Variants in CAPN14 observed in about 807,000 individuals in gnomAD.
CAPN14 encodes calpain-14.
A neutral mutation model predicts 101.3 loss-of-function variants in CAPN14; 94 were observed. That is an observed-to-expected ratio of 0.93 (90% CI 0.79 to 1.10). The LOEUF is 1.10. Among genes scored for constraint, CAPN14 ranks in the 50% least tolerant of loss-of-function variants. The probability of loss-of-function intolerance (pLI) is 0.00; values close to 1 mark genes in which losing one functional copy is unlikely to be tolerated. For synonymous variants in CAPN14, 338 were observed against 317.9 expected, an observed-to-expected ratio of 1.06 and a Z score of -0.67; for missense variants, 837 against 828.4, an observed-to-expected ratio of 1.01 and a Z score of -0.13.
chr2:31,221,737 T>TG (rs1255067160), upstream of CAPN14, among the ~76,000 whole-genome samples: 1 of 152,184 alleles, frequency 6.6e-6, no homozygotes, highest in Non-Finnish European at 1.5e-5. Context: ...TTCATGTCAT[T>TG]GGGGTATAGT....
rs1324818049 is a variant in CAPN14 at position 31,176,554 on chromosome 2, T to C, written c.2028+33A>G. ...CCGCAAGGGCCACCTCTACGTAAGA[T>C]GACATGAGCCACCTCCTTGGGGCAA... On this transcript the variant is annotated intron_variant, in intron 21 of 21. Coordinates refer to ENST00000403897, the MANE Select transcript of CAPN14 (RefSeq NM_001145122.2). The C allele has an allele frequency of 3.3e-6, 5 of 1,537,350 alleles. No individual in the cohort carries two copies. In the African/African-American group the frequency reaches 6.9e-5, roughly 21 times the overall value.
intron 17 of CAPN14, among the ~76,000 whole-genome samples, chr2:31,179,063 TA>T (rs11336687): frequency 0.051 from 7,097 of 138,054 alleles, 374 homozygotes; most frequent in African/African-American, 0.13. Flanking sequence ...TTGAGTTCTA[TA>T]TATATATATA....
intron 15 of CAPN14, 23 bp downstream of exon 15, chr2:31,187,735 C>G: frequency 1.3e-6 from 2 of 1,547,280 alleles, no homozygotes; most frequent in Non-Finnish European, 1.7e-6. Context: ...TTCCTCACCC[C>G]CCACCACACC....
rs1010120479 is a variant in CAPN14 at position 31,200,617 on chromosome 2, C to T, written c.560G>A (p.Gly187Asp). ...LLEKAYAKLS[G>D]SYEDLQSGQV... ...TCCTGACTGCAAGTCTTCATAGGAA[C>T]CAGAGAGCCTGGCCAGGGAAGAAAT... The change falls in exon 6 of 22, where the codon GGT (glycine) becomes GAT (aspartate). Residue 187 changes from glycine to aspartate, a missense_variant. Physicochemically the swap from Gly to Asp is moderately conservative, Grantham distance 94. Transcript: ENST00000403897. 5.2e-6 allele frequency: 8 copies of T among 1,545,602 alleles called. No individual in the cohort carries two copies. The African/African-American group carries it at 8.2e-5, about 16-fold the overall frequency.
chr2:31,202,302 G>T, intron 3 of CAPN14, 50 bp from the exon 4 acceptor site: 4 of 1,442,010 alleles, frequency 2.8e-6, no homozygotes, highest in Non-Finnish European at 3.8e-6. Flanking sequence ...GGGACTTTAT[G>T]ACTGCAGAAA....
At chr2:31,184,676 T>C (rs1476755053) in intron 16 of CAPN14, among the ~76,000 whole-genome samples, 1 of 152,246 alleles carries the variant, frequency 6.6e-6, no homozygotes, top group Non-Finnish European at 1.5e-5. Flanking sequence ...TCATTTGCCA[T>C]GCACTTTACC....
chr2:31,200,138 G>A (rs1321448201), intron 6 of CAPN14, among the ~76,000 whole-genome samples: 2 of 152,066 alleles, frequency 1.3e-5, no homozygotes, highest in African/African-American at 4.8e-5. Context: ...CAAATAGCTG[G>A]GATTACAGGT....
At chr2:31,228,775 A>G (rs932849817) in intron 1 of CAPN14, among the ~76,000 whole-genome samples, 1 of 152,202 alleles carries the variant, frequency 6.6e-6, no homozygotes, top group Non-Finnish European at 1.5e-5. Flanking sequence ...AAAAAATGCT[A>G]TTGCCATCTT....
In CAPN14 at chr2:31,201,917, A is replaced by T. The variant is rs1681804506; in HGVS notation, c.496T>A (p.Ser166Thr). 1 of 1,551,716 alleles carries T rather than the reference A, an allele frequency of 6.4e-7. No homozygotes were observed. Among genetic ancestry groups the T allele is most frequent in the Non-Finnish European group, 8.7e-7 (1 of 1,147,002 alleles). ...VNEAGQLVFV[S>T]STYKNLFWGA... is the part of the protein sequence containing the mutation. ...CAGAACAAGTTCTTATAGGTGGAGG[A>T]GACAAAGACCAGCTGGCCAGCCTCA... The change falls in exon 5 of 22, where the codon TCC (serine) becomes ACC (threonine). Residue 166 changes from serine (S) to threonine (T), a missense_variant. By Grantham distance (58) the Ser-to-Thr change is moderately conservative. Coordinates refer to ENST00000403897, the MANE Select transcript of CAPN14 (RefSeq NM_001145122.2).
At chr2:31,219,539 C>A (rs1474067166), upstream of CAPN14, among the ~76,000 whole-genome samples, 1 of 152,162 alleles carries the variant, frequency 6.6e-6, no homozygotes, top group Non-Finnish European at 1.5e-5. Flanking sequence ...CCCGTGGAAA[C>A]AAGATTTTAG....
chr2:31,181,239 G>A (rs894885962), intron 16 of CAPN14, among the ~76,000 whole-genome samples: 2 of 152,066 alleles, frequency 1.3e-5, no homozygotes, highest in African/African-American at 4.8e-5. Context: ...TTACACAGAG[G>A]GCCAAATGAA....
At position 31,178,563 on chromosome 2, in the gene CAPN14, G is replaced by A; in HGVS notation, c.1727C>T (p.Thr576Ile). 3 of 1,545,844 alleles carry A rather than the reference G, an allele frequency of 1.9e-6. No homozygotes were observed. The highest frequency in any genetic ancestry group is 4.0e-5 in the Admixed American group (2 of 49,878). The change falls in exon 18 of 22, where the codon ACT (threonine) becomes ATT (isoleucine). Residue 576 changes from threonine to isoleucine, a missense_variant. Transcript: ENST00000403897. Reference sequence around the variant, plus strand: ...GTCCCTGAATTCCTGGATGCTCATAGTACCTGATGCATTAAGCTGATTAAT... The same window carrying A: ...GTCCCTGAATTCCTGGATGCTCATAATACCTGATGCATTAAGCTGATTAAT... ...LALLDLNASG[T>I]MSIQEFRDLW...
chr2:31,224,832 T>C (rs1371915494), intron 2 of CAPN14, among the ~76,000 whole-genome samples: 2 of 152,006 alleles, frequency 1.3e-5, no homozygotes, highest in African/African-American at 4.8e-5. Context: ...TTGACCTATT[T>C]GAGGAGAACT....
At chr2:31,212,874 G>A (rs1682468894) in intron 1 of CAPN14, among the ~76,000 whole-genome samples, 1 of 152,172 alleles carries the variant, frequency 6.6e-6, no homozygotes, top group Non-Finnish European at 1.5e-5. Context: ...TCCTCCTGGG[G>A]GATGATGGAT....
At chr2:31,223,266 T>C (rs1682913769) in intron 2 of CAPN14, among the ~76,000 whole-genome samples, 2 of 152,216 alleles carry the variant, frequency 1.3e-5, no homozygotes, top group Non-Finnish European at 2.9e-5. Context: ...AATACCACGG[T>C]ACTAAATTGA....
At chr2:31,231,871 G>T (rs530174312) in intron 1 of CAPN14, among the ~76,000 whole-genome samples, 1 of 152,138 alleles carries the variant, frequency 6.6e-6, no homozygotes, top group Non-Finnish European at 1.5e-5. Context: ...TGTCTGTTCC[G>T]GGTGTTTGAT....
At chr2:31,221,522 G>A (rs1682862201), upstream of CAPN14, among the ~76,000 whole-genome samples, 1 of 151,960 alleles carries the variant, frequency 6.6e-6, no homozygotes, top group Admixed American at 6.5e-5. Context: ...AGTTTTACCT[G>A]TGTTCATCTG....
intron 7 of CAPN14, 36 bp downstream of exon 7, chr2:31,199,434 G>C: frequency 6.5e-7 from 1 of 1,528,240 alleles, no homozygotes; most frequent in Non-Finnish European, 8.9e-7. Context: ...GAAGGGCAAG[G>C]CTGAGAGGGA....
Position 31,192,114 on chromosome 2 carries a change from G to C in CAPN14, c.1115-16C>G, listed in dbSNP as rs1180592076. 6.5e-7 allele frequency: 1 copy of C among 1,531,686 alleles called. No individual in the cohort carries two copies. The highest frequency in any genetic ancestry group is 8.8e-7 in the Non-Finnish European group (1 of 1,135,312). The allele number at this position is 1,531,686 out of a possible 1,614,324, so 94.9% of individuals were successfully genotyped here. On this transcript the variant is annotated splice_polypyrimidine_tract_variant and intron_variant, in intron 10 of 21. Transcript: ENST00000403897. ...CAAAATGTGTCTGGAGCAGAACACA[G>C]CAAGGTGAGAATGGGCCCCGGATCC...
Sources: allele counts gnomAD v4.1 joint callset (sites outside exome capture counted in the v4.1 genomes callset), GRCh38; gene constraint gnomAD v4.1.1; transcripts MANE v1.5; gene names NCBI Gene and HGNC (gene_info 2026-07-23, HGNC 2026-07-21).